Variants in CDK5RAP2 observed in about 807,000 individuals in gnomAD.
CDK5RAP2 encodes the protein CDK5 regulatory subunit-associated protein 2.
In CDK5RAP2, 147 loss-of-function variants were observed where a neutral mutation model predicts 232.9. That is an observed-to-expected ratio of 0.63 (90% CI 0.55 to 0.72). The LOEUF is 0.72. Ranked by LOEUF, CDK5RAP2 falls within the 30% of genes least tolerant of loss-of-function variation. The pLI is 0.00. For synonymous variants in CDK5RAP2, 833 were observed against 833.7 expected (o/e 1.00, Z 0.01); for missense variants, 2,195 against 2,231.5 (o/e 0.98, Z 0.33).
At chr9:120,504,675 T>C (rs2039727294) in intron 12 of CDK5RAP2, among the ~76,000 whole-genome samples, 1 of 152,230 alleles carries the variant, frequency 6.6e-6, no homozygotes, top group South Asian at 2.1e-4. Flanking sequence ...AACTGCAGAA[T>C]GAAGCTACCC....
At chr9:120,466,793 T>C (rs896533168) in intron 18 of CDK5RAP2, among the ~76,000 whole-genome samples, 1 of 152,096 alleles carries the variant, frequency 6.6e-6, no homozygotes, top group Non-Finnish European at 1.5e-5. Flanking sequence ...ACTTTGAAGG[T>C]AGGAGGAGAC....
At chr9:120,447,612 G>GCATCTGC (rs1173909800) in intron 22 of CDK5RAP2, among the ~76,000 whole-genome samples, 7 of 152,226 alleles carry the variant, frequency 4.6e-5, no homozygotes, top group Admixed American at 6.5e-5. Flanking sequence ...CACAACTGGG[G>GCATCTGC]CATCTGCGGA....
chr9:120,464,382 A>G (rs2037257624), intron 18 of CDK5RAP2, among the ~76,000 whole-genome samples: 1 of 152,158 alleles, frequency 6.6e-6, no homozygotes, highest in Non-Finnish European at 1.5e-5. Context: ...TCTGGATTAC[A>G]TCCTAGACAG....
intron 3 of CDK5RAP2, among the ~76,000 whole-genome samples, chr9:120,563,089 G>C (rs887926099): frequency 9.9e-5 from 15 of 152,274 alleles, no homozygotes; most frequent in Admixed American, 5.9e-4. Context: ...GTACTTGCTA[G>C]AAGACAGAAT....
intron 13 of CDK5RAP2, among the ~76,000 whole-genome samples, chr9:120,489,827 G>A (rs1277915412): frequency 7.1e-6 from 1 of 140,526 alleles, no homozygotes; most frequent in African/African-American, 2.7e-5. Context: ...TTTTTTTTGA[G>A]AAGGAGTTTC....
Position 120,437,383 on chromosome 9 carries a change from A to G in CDK5RAP2, c.3867T>C (p.Asp1289=), listed in dbSNP as rs747569028. Residue 1289 remains aspartate, a synonymous_variant, in exon 25 of 38, where the codon GAT becomes GAC. Coordinates refer to ENST00000349780, the MANE Select transcript of CDK5RAP2 (RefSeq NM_018249.6). The stretch of plus-strand genomic sequence containing the variant: ...AACCCTCGGCCACACAGTAATCCAC[A>G]TCACTGGCCTGCAGCAACTCCTCAA... ...KAFEELLQAS[D]VDYCVAEGFQ... is the part of the protein sequence containing the mutation. 1.9e-5 allele frequency: 31 copies of G among 1,614,022 alleles called. No individual in the cohort carries two copies. The South Asian group carries it at 3.2e-4, about 17-fold the overall frequency.
chr9:120,568,148 G>A (rs1377389663), intron 3 of CDK5RAP2, among the ~76,000 whole-genome samples, 173 bp downstream of exon 3: 1 of 152,176 alleles, frequency 6.6e-6, no homozygotes, highest in African/African-American at 2.4e-5. Context: ...TGTATAAAGG[G>A]CTGACTGCAT....
intron 3 of CDK5RAP2, among the ~76,000 whole-genome samples, chr9:120,557,493 C>T (rs1211886709): frequency 6.6e-6 from 1 of 152,166 alleles, no homozygotes; most frequent in Non-Finnish European, 1.5e-5. Context: ...GTGTGGCTCA[C>T]ACCTGTAATC....
chr9:120,539,833 T>C (rs2041551049), intron 5 of CDK5RAP2, among the ~76,000 whole-genome samples: 1 of 152,212 alleles, frequency 6.6e-6, no homozygotes, highest in African/African-American at 2.4e-5. Flanking sequence ...GCCAAATTTC[T>C]CAGCAAGGGG....
intron 12 of CDK5RAP2, among the ~76,000 whole-genome samples, chr9:120,496,427 G>T (rs2039245766): frequency 7.0e-6 from 1 of 143,318 alleles, no homozygotes; most frequent in African/African-American, 2.6e-5. Context: ...TGTCCGGGAG[G>T]TGAGGGGCGC....
At chr9:120,527,386 A>T (rs1169491562) in intron 10 of CDK5RAP2, among the ~76,000 whole-genome samples, 1 of 152,122 alleles carries the variant, frequency 6.6e-6, no homozygotes, top group Non-Finnish European at 1.5e-5. Context: ...TGGCATGTGA[A>T]ATGTGGTTAG....
chr9:120,478,653 C>G (rs1200151793), intron 14 of CDK5RAP2, among the ~76,000 whole-genome samples: 2 of 152,120 alleles, frequency 1.3e-5, no homozygotes, highest in African/African-American at 2.4e-5. Context: ...TGGTGGCATG[C>G]ACCTATAGTC....
At chr9:120,467,420 C>T (rs1000514427) in intron 18 of CDK5RAP2, among the ~76,000 whole-genome samples, 1 of 152,130 alleles carries the variant, frequency 6.6e-6, no homozygotes, top group Non-Finnish European at 1.5e-5. Flanking sequence ...TGACTGGAAC[C>T]TGAGGAAGCC....
At chr9:120,530,242 T>C (rs985756158) in intron 7 of CDK5RAP2, 102 bp from the exon 8 acceptor site, 11 of 794,368 alleles carry the variant, frequency 1.4e-5, no homozygotes, top group Non-Finnish European at 2.1e-5. Flanking sequence ...AAAGTAGACA[T>C]ATACAATGGC....
At chr9:120,487,009 T>C (rs2038646423) in intron 14 of CDK5RAP2, among the ~76,000 whole-genome samples, 1 of 152,222 alleles carries the variant, frequency 6.6e-6, no homozygotes, top group South Asian at 2.1e-4. Context: ...ACGAAACACT[T>C]GGGATTACAT....
At chr9:120,417,807 G>T (rs1015333551) in intron 27 of CDK5RAP2, among the ~76,000 whole-genome samples, 13 of 152,126 alleles carry the variant, frequency 8.5e-5, no homozygotes, top group African/African-American at 2.2e-4. Flanking sequence ...AAAAAAGTGT[G>T]TATCTCTTGC....
At chr9:120,454,889 T>G (rs1184714555) in intron 20 of CDK5RAP2, among the ~76,000 whole-genome samples, 6 of 152,324 alleles carry the variant, frequency 3.9e-5, no homozygotes, top group Admixed American at 6.5e-5. Flanking sequence ...CATTCCTGTC[T>G]TACTCTCCCT....
chr9:120,390,251 T>A (rs951858274), intron 36 of CDK5RAP2: 1 of 163,092 alleles, frequency 6.1e-6, no homozygotes, highest in Non-Finnish European at 1.4e-5. Context: ...CAGACCCACA[T>A]ATGAGGGTCC....
At chr9:120,558,774 A>G (rs1182142273) in intron 3 of CDK5RAP2, among the ~76,000 whole-genome samples, 1 of 152,184 alleles carries the variant, frequency 6.6e-6, no homozygotes, top group Non-Finnish European at 1.5e-5. Context: ...TACACCATCT[A>G]AAGTGGGCCC....
Sources: gnomAD v4.1 joint callset for allele counts (sites outside exome capture counted in the v4.1 genomes callset) on GRCh38, gnomAD v4.1.1 for gene constraint, MANE v1.5 for transcripts, NCBI Gene and HGNC (gene_info 2026-07-23, HGNC 2026-07-21) for gene names.